The following SEC22B variants were observed in gnomAD, a reference collection of about 807,000 sequenced individuals.
SEC22B encodes the protein vesicle-trafficking protein SEC22b.
A neutral mutation model predicts 31.4 loss-of-function variants in SEC22B; 10 were observed. The observed-to-expected ratio is 0.32, with a 90% CI of 0.20 to 0.54. The LOEUF (loss-of-function observed/expected upper bound fraction) is 0.54, where lower values mean the gene tolerates loss of function less well. Ranked by LOEUF, SEC22B falls within the 20% of genes least tolerant of loss-of-function variation. SEC22B has a pLI of 0.94. For synonymous variants in SEC22B, 60 were observed against 95.9 expected (o/e 0.63, Z 2.19); for missense variants, 130 against 263.4 (o/e 0.49, Z 3.50).
chr1:120,157,363 G>T (rs1295301256), intron 4 of SEC22B, 171 bp from the exon 5 acceptor site: 14 of 461,032 alleles, frequency 3.0e-5, no homozygotes, highest in Admixed American at 1.7e-4. Flanking sequence ...CTGATCAGAT[G>T]ATGTCTGAAT....
chr1:120,163,949 T>TC (rs1657761936), intron 2 of SEC22B, among the ~76,000 whole-genome samples: 2 of 117,348 alleles, frequency 1.7e-5, no homozygotes, highest in African/African-American at 9.3e-5. Context: ...GATTCTCTTT[T>TC]TTTTTTTTTT....
intron 1 of SEC22B, among the ~76,000 whole-genome samples, chr1:120,171,179 T>A (rs1444781603): frequency 1.7e-5 from 2 of 118,998 alleles, no homozygotes; most frequent in East Asian, 4.7e-4. Context: ...GGGGCTGTGA[T>A]ATCGGTATTT....
At position 120,160,422 on chromosome 1, in the gene SEC22B, T is replaced by C. The variant is rs1180571952; in HGVS notation, c.455A>G (p.Asn152Ser). The C allele has an allele frequency of 1.2e-6, 2 of 1,613,072 alleles. No individual in the cohort carries two copies. The highest frequency in any genetic ancestry group is 1.1e-5 in the South Asian group (1 of 90,892). Residue 152 changes from asparagine (N) to serine (S), a missense_variant, in exon 4 of 5, where the codon AAT becomes AGT. By Grantham distance (46) the Asn-to-Ser change is conservative. This residue lies in a region of SEC22B where 53 missense variants were observed against 63.3 expected (regional missense o/e 0.84). Coordinates refer to ENST00000578049, the MANE Select transcript of SEC22B (RefSeq NM_004892.6). ...TCCTCGTTGTAACACTTCTTCAATA[T>C]TGGCCACCATGATCCTCTGCACATC... ...LQDVQRIMVANIEEVLQRGEA... is the reference protein window; with the variant it reads ...LQDVQRIMVASIEEVLQRGEA...
intron 3 of SEC22B, among the ~76,000 whole-genome samples, chr1:120,161,520 T>G (rs1657717750): frequency 6.6e-6 from 1 of 152,046 alleles, no homozygotes; most frequent in African/African-American, 2.4e-5. Flanking sequence ...AAGGCAAAAC[T>G]CCCATCTCTA....
Position 120,152,710 on chromosome 1 carries a change from A to G in SEC22B, c.*4328T>C, listed in dbSNP as rs1282187270. 19 of 139,642 alleles carry G rather than the reference A, an allele frequency of 1.4e-4. No individual in the cohort carries two copies. The highest frequency in any genetic ancestry group is 1.1e-3 in the Admixed American group (17 of 14,820). 8.7% of individuals were successfully genotyped at this position (139,642 alleles called of 1,614,324 possible). A position where few individuals can be genotyped will look rare whatever the true frequency, so the allele number is the denominator to read the frequency against. ...AATGAAGTAAATTTAAAAAGTACGG[A>G]ATAATAAAAAGAAATTGCAAAAAAT... On this transcript the variant is annotated 3_prime_UTR_variant, in exon 5 of 5. Coordinates refer to ENST00000578049, the MANE Select transcript of SEC22B (RefSeq NM_004892.6).
chr1:120,170,990 T>TAATTC (rs1250054692), intron 1 of SEC22B, among the ~76,000 whole-genome samples: 1 of 129,762 alleles, frequency 7.7e-6, no homozygotes, highest in Non-Finnish European at 1.5e-5. Flanking sequence ...TAAAATTCTT[T>TAATTC]AATAAAAAAA....
At chr1:120,170,813 A>G (rs1249938618) in intron 1 of SEC22B, among the ~76,000 whole-genome samples, 2 of 148,654 alleles carry the variant, frequency 1.3e-5, no homozygotes, top group African/African-American at 5.2e-5. Flanking sequence ...GCTTTTAGCC[A>G]ATAAGAACTA....
chr1:120,167,186 A>G (rs1245186651), intron 2 of SEC22B, among the ~76,000 whole-genome samples: 1 of 150,642 alleles, frequency 6.6e-6, no homozygotes, highest in Non-Finnish European at 1.5e-5. Context: ...TTTTATTCCC[A>G]GAGACTACAG....
rs1391667614 is a variant in SEC22B at position 120,152,434 on chromosome 1, A to G, written c.*4604T>C. ...AACATCTAGAGAAACAAAAAATGAA[A>G]GTAAAATGGAAAAAGATAAAAGAAG... On this transcript the variant is annotated 3_prime_UTR_variant, in exon 5 of 5. Coordinates refer to ENST00000578049, the MANE Select transcript of SEC22B (RefSeq NM_004892.6). 4 of 150,070 alleles carry G rather than the reference A, an allele frequency of 2.7e-5. No homozygotes were observed. The East Asian group carries it at 7.8e-4, about 29-fold the overall frequency. The allele number at this position is 150,070 out of a possible 1,614,324, so 9.3% of individuals were successfully genotyped here. A position where few individuals can be genotyped will look rare whatever the true frequency, so the allele number is the denominator to read the frequency against.
Position 120,162,742 on chromosome 1 carries a change from TTGTTA to T in SEC22B, c.346+463_346+467del, listed in dbSNP as rs1217526978. Among the ~76,000 whole-genome samples, 133 of 152,340 alleles carry T rather than the reference TTGTTA, an allele frequency of 8.7e-4. 3 individuals are homozygous for T. The South Asian group carries it at 0.026, about 30-fold the overall frequency. On this transcript the variant is annotated intron_variant, in intron 3 of 4. Coordinates refer to ENST00000578049, the MANE Select transcript of SEC22B (RefSeq NM_004892.6). ...TGAGTACCAGGTATCTTCTATTTCT[TTGTTA>T]TGTTTTGTTTTTTTAATTAGAGGAT...
chr1:120,156,624 A>C lies in SEC22B; in HGVS notation c.*414T>G, dbSNP rs1483277060. ...GAGTCAAAAAAAAAAAAAAAAAAAA[A>C]AACACCTTCCCAAAGGACTGCCTTC... On this transcript the variant is annotated 3_prime_UTR_variant, in exon 5 of 5. Transcript: ENST00000578049. The C allele has an allele frequency of 2.0e-5, 3 of 148,188 alleles. No homozygotes were observed. Among genetic ancestry groups the C allele is most frequent in the Admixed American group, 6.7e-5 (1 of 14,834 alleles). 9.2% of individuals were successfully genotyped at this position (148,188 alleles called of 1,614,324 possible).
At chr1:120,166,868 C>A (rs1394063289) in intron 2 of SEC22B, among the ~76,000 whole-genome samples, 1 of 127,528 alleles carries the variant, frequency 7.8e-6, no homozygotes, top group African/African-American at 3.9e-5. Context: ...ACATTGTATA[C>A]ATGTATTGAA....
intron 1 of SEC22B, among the ~76,000 whole-genome samples, chr1:120,170,383 ACTG>A (rs1193791037): frequency 1.4e-5 from 2 of 142,708 alleles, no homozygotes; most frequent in Admixed American, 6.8e-5. Flanking sequence ...TAGATAGTGT[ACTG>A]CTAAGCTGAT....
chr1:120,163,382 T>C lies in SEC22B; in HGVS notation c.186-12A>G. The C allele has an allele frequency of 3.9e-6, 6 of 1,538,094 alleles. No homozygotes were observed. Among genetic ancestry groups the C allele is most frequent in the Non-Finnish European group, 5.2e-6 (6 of 1,142,934 alleles). On this transcript the variant is annotated splice_polypyrimidine_tract_variant and intron_variant, in intron 2 of 4. Transcript: ENST00000578049. Reference sequence around the variant, plus strand: ...GCTCAATAATGTAGCTGGTGAGACATAAAAAGCAAGACAAAGTTATCTGTA... The same window carrying C: ...GCTCAATAATGTAGCTGGTGAGACACAAAAAGCAAGACAAAGTTATCTGTA...
chr1:120,151,999 C>T lies in SEC22B; in HGVS notation c.*5039G>A, dbSNP rs1657550374. On this transcript the variant is annotated 3_prime_UTR_variant, in exon 5 of 5. Coordinates refer to ENST00000578049, the MANE Select transcript of SEC22B (RefSeq NM_004892.6). ...ACAGGTTTGGTTTTATCTTTGAGAA[C>T]AATGGAGTGGAGGTATGCTTTAGAT... The T allele has an allele frequency of 6.6e-6, 1 of 152,004 alleles. No individual in the cohort carries two copies. The highest frequency in any genetic ancestry group is 2.4e-5 in the African/African-American group (1 of 41,274). The allele number at this position is 152,004 out of a possible 1,614,324, so 9.4% of individuals were successfully genotyped here.
rs1657573306 is a variant in SEC22B at position 120,153,165 on chromosome 1, T to C, written c.*3873A>G. On this transcript the variant is annotated 3_prime_UTR_variant, in exon 5 of 5. Transcript: ENST00000578049. Reference sequence around the variant, plus strand: ...ACAGTAATAAGAATAGGATGTGAGATTCAATATGCTCATTCTATCTCAAAC... The same window carrying C: ...ACAGTAATAAGAATAGGATGTGAGACTCAATATGCTCATTCTATCTCAAAC... The C allele has an allele frequency of 6.6e-6, 1 of 151,746 alleles. No homozygotes were observed. The highest frequency in any genetic ancestry group is 1.5e-5 in the Non-Finnish European group (1 of 67,982). The allele number at this position is 151,746 out of a possible 1,614,324, so 9.4% of individuals were successfully genotyped here.
rs1167129733 is a variant in SEC22B, at chr1:120,151,740, G to GT, written c.*5297dup. The GT allele has an allele frequency of 6.6e-6, 1 of 151,762 alleles. No individual in the cohort carries two copies. The highest frequency in any genetic ancestry group is 1.5e-5 in the Non-Finnish European group (1 of 67,994). 9.4% of individuals were successfully genotyped at this position (151,762 alleles called of 1,614,324 possible). ...AAGAGGGACATGTGTAACAAAATCA[G>GT]TAAGGAGGGTACTCCAAGAATCCAT... On this transcript the variant is annotated 3_prime_UTR_variant, in exon 5 of 5. Coordinates refer to ENST00000578049, the MANE Select transcript of SEC22B (RefSeq NM_004892.6).
In SEC22B at chr1:120,163,501, G is replaced by A. The variant is rs1350337806; in HGVS notation, c.186-131C>T. On this transcript the variant is annotated intron_variant, in intron 2 of 4. Coordinates refer to ENST00000578049, the MANE Select transcript of SEC22B (RefSeq NM_004892.6). ...CTAAATACTTTGAGGCTGGCTAAACGAGAGTCAATTTAAAACCGCAAATCC... is the reference window on the plus strand; with the variant it reads ...CTAAATACTTTGAGGCTGGCTAAACAAGAGTCAATTTAAAACCGCAAATCC... The A allele has an allele frequency of 1.2e-4, 53 of 425,868 alleles. 5 individuals carry two copies. The highest frequency in any genetic ancestry group is 1.8e-4 in the Non-Finnish European group (49 of 268,364). The allele number at this position is 425,868 out of a possible 1,614,324, so 26.4% of individuals were successfully genotyped here.
At chr1:120,176,227 G>T in intron 1 of SEC22B, 80 bp downstream of exon 1, 1 of 1,388,592 alleles carries the variant, frequency 7.2e-7, no homozygotes, top group Non-Finnish European at 9.9e-7. Context: ...AGGTCTCCCG[G>T]TCCTAGGAAG....
Sources: gnomAD v4.1 joint callset for allele counts (sites outside exome capture counted in the v4.1 genomes callset) on GRCh38, gnomAD v4.1.1 for gene constraint, gnomAD v4.1.1 regional missense constraint, MANE v1.5 for transcripts, NCBI Gene and HGNC (gene_info 2026-07-23, HGNC 2026-07-21) for gene names.